The following KIR2DL3 variants were observed in gnomAD, a reference collection of about 807,000 sequenced individuals.
The protein encoded by KIR2DL3 is killer cell immunoglobulin like receptor, two Ig domains and long cytoplasmic tail 3.
KIR2DL3 carries 39 observed loss-of-function variants against 33.8 expected under a neutral mutation model. That is an observed-to-expected ratio of 1.15 (90% CI 0.89 to 1.51). The LOEUF (loss-of-function observed/expected upper bound fraction) is 1.51, where lower values mean the gene tolerates loss of function less well. Ranked by LOEUF, KIR2DL3 falls within the 40% of genes most tolerant of loss-of-function variation. The pLI is 0.00. For synonymous variants in KIR2DL3, 174 were observed against 160.2 expected (o/e 1.09, Z -0.65); for missense variants, 462 against 426.2 (o/e 1.08, Z -0.74).
At chr19:54,748,715 G>A (rs1211916177) in intron 5 of KIR2DL3, among the ~76,000 whole-genome samples, 12 of 143,074 alleles carry the variant, frequency 8.4e-5, no homozygotes, top group Non-Finnish European at 3.1e-5. Context: ...TGCGTCTCCT[G>A]GATTCAAGTG....
chr19:54,752,510 T>C lies in KIR2DL3; in HGVS notation c.1017T>C (p.Ala339=). ...DIIVYTELPN[A]EP ...TCGTGTACACGGAACTTCCAAATGC[T>C]GAGCCCTGATCCAAAGTTGTCTCCT... The change falls in exon 8 of 8, where the codon GCT becomes GCC. Residue 339 remains alanine (A), a synonymous_variant. Transcript: ENST00000342376. The C allele has an allele frequency of 6.8e-6, 10 of 1,463,970 alleles. 3 individuals carry two copies. Among genetic ancestry groups the C allele is most frequent in the Non-Finnish European group, 5.6e-6 (6 of 1,076,658 alleles). The allele number at this position is 1,463,970 out of a possible 1,614,324, so 90.7% of individuals were successfully genotyped here.
rs879091199 is a variant in KIR2DL3, at chr19:54,747,102, G to A, written c.665-233G>A. Among the ~76,000 whole-genome samples, 7 of 144,174 alleles carry A rather than the reference G, an allele frequency of 4.9e-5. 1 individual carries two copies. The Admixed American group carries it at 5.0e-4, about 10-fold the overall frequency. The allele number at this position is 144,174 out of a possible 152,430, so 94.6% of individuals were successfully genotyped here. A position where few individuals can be genotyped will look rare whatever the true frequency, so the allele number is the denominator to read the frequency against. ...ATGTGATGCTGTTTTGCTTACTACA[G>A]CTCTGTAACATATTTTGAGATCAGG... On this transcript the variant is annotated intron_variant, in intron 4 of 7. Transcript: ENST00000342376.
At chr19:54,747,911 C>G (rs944918087) in intron 5 of KIR2DL3, among the ~76,000 whole-genome samples, 6 of 148,054 alleles carry the variant, frequency 4.1e-5, no homozygotes, top group African/African-American at 1.5e-4. Context: ...CTGTGCAGTG[C>G]GGAACCTTTT....
intron 5 of KIR2DL3, among the ~76,000 whole-genome samples, chr19:54,750,081 T>C (rs1256793695): frequency 1.5e-5 from 2 of 132,630 alleles, no homozygotes; most frequent in African/African-American, 2.9e-5. Context: ...TGAGATCACA[T>C]AGAAAATGTG....
At chr19:54,744,615 C>T (rs1429238459) in intron 4 of KIR2DL3, among the ~76,000 whole-genome samples, 2 of 151,378 alleles carry the variant, frequency 1.3e-5, no homozygotes, top group African/African-American at 2.4e-5. Context: ...CAACTTCCGC[C>T]TCCTGGGTTC....
intron 4 of KIR2DL3, among the ~76,000 whole-genome samples, chr19:54,747,083 T>C (rs2072631849): frequency 7.0e-6 from 1 of 142,626 alleles, no homozygotes; most frequent in Non-Finnish European, 1.6e-5. Context: ...GCCAATGTGA[T>C]GCTGTTTTGC....
Position 54,739,497 on chromosome 19 carries a change from T to A in KIR2DL3, c.35-10T>A. The A allele has an allele frequency of 6.2e-7, 1 of 1,613,996 alleles. No individual in the cohort carries two copies. Among genetic ancestry groups the A allele is most frequent in the South Asian group, 1.1e-5 (1 of 91,076 alleles). Reference sequence around the variant, plus strand: ...GCAGATGGATGGTCCATCATGATCTTTCTTTCCAGGGTTCTTCTTGCTGCA... The same window carrying A: ...GCAGATGGATGGTCCATCATGATCTATCTTTCCAGGGTTCTTCTTGCTGCA... On this transcript the variant is annotated splice_polypyrimidine_tract_variant and intron_variant, in intron 1 of 7. Transcript: ENST00000342376.
chr19:54,747,886 G>C (rs1378722743), intron 5 of KIR2DL3, among the ~76,000 whole-genome samples: 1 of 147,238 alleles, frequency 6.8e-6, no homozygotes, highest in African/African-American at 2.5e-5. Flanking sequence ...ATTCAGCCAC[G>C]GCCCCATGCT....
At chr19:54,739,388 G>A (rs1297152406) in intron 1 of KIR2DL3, 119 bp from the exon 2 acceptor site, 38 of 1,551,820 alleles carry the variant, frequency 2.4e-5, no homozygotes, top group Non-Finnish European at 3.3e-5. Flanking sequence ...AGGCACTGAG[G>A]GTGAGTTTAA....
chr19:54,752,733 T>C lies in KIR2DL3; in HGVS notation c.*214T>C. On this transcript the variant is annotated 3_prime_UTR_variant, in exon 8 of 8. Transcript: ENST00000342376. ...GCTTACAAATGTCTAAGGTCCCCAC[T>C]GCCTGCTGGAGAGAAAACACACTCC... is the stretch of plus-strand genomic sequence containing the variant. 2.7e-6 allele frequency: 2 copies of C among 733,966 alleles called. No individual in the cohort carries two copies. Among genetic ancestry groups the C allele is most frequent in the Non-Finnish European group, 4.4e-6 (2 of 457,508 alleles). The allele number at this position is 733,966 out of a possible 1,614,324, so 45.5% of individuals were successfully genotyped here. A position where few individuals can be genotyped will look rare whatever the true frequency, so the allele number is the denominator to read the frequency against.
intron 3 of KIR2DL3, among the ~76,000 whole-genome samples, 200 bp downstream of exon 3, chr19:54,742,479 G>A (rs1404674826): frequency 6.6e-6 from 1 of 151,808 alleles, no homozygotes; most frequent in Non-Finnish European, 1.5e-5. Flanking sequence ...ACAGACACAG[G>A]GGCCATACAG....
At chr19:54,743,509 G>C (rs910451982) in intron 3 of KIR2DL3, among the ~76,000 whole-genome samples, 2 of 151,900 alleles carry the variant, frequency 1.3e-5, no homozygotes, top group Non-Finnish European at 1.5e-5. Flanking sequence ...GAGAAACTTA[G>C]AATTTAAAAA....
At chr19:54,752,180 C>T (rs372811832) in intron 6 of KIR2DL3, 36 bp from the exon 7 acceptor site, 3 of 1,458,198 alleles carry the variant, frequency 2.1e-6, no homozygotes, top group Non-Finnish European at 2.8e-6. Context: ...CCAGAAGTGC[C>T]CTCTGAGCTG....
intron 4 of KIR2DL3, among the ~76,000 whole-genome samples, chr19:54,747,034 T>C (rs536990840): frequency 7.1e-6 from 1 of 141,508 alleles, no homozygotes; most frequent in African/African-American, 2.6e-5. Context: ...ATATCTGTGT[T>C]CTTCATTCTG....
intron 1 of KIR2DL3, 26 bp downstream of exon 1, chr19:54,738,605 A>G: frequency 6.2e-7 from 1 of 1,613,962 alleles, no homozygotes; most frequent in Non-Finnish European, 8.5e-7. Context: ...GCATCGAGGG[A>G]GGGAGTGCGG....
intron 5 of KIR2DL3, 57 bp downstream of exon 5, chr19:54,747,442 C>T (rs1191284609): frequency 4.9e-5 from 71 of 1,462,058 alleles, no homozygotes; most frequent in African/African-American, 9.0e-5. Flanking sequence ...TAGAAACCTT[C>T]GATGCAGGCA....
In KIR2DL3 at chr19:54,746,257, T is replaced by C. The variant is rs999098629; in HGVS notation, c.665-1078T>C. ...TTTTTCAATTAAATCGTTTGTTTTA[T>C]TGAGTTGTTTGAGCTTCTTATATTT... is the stretch of plus-strand genomic sequence containing the variant. On this transcript the variant is annotated intron_variant, in intron 4 of 7. Transcript: ENST00000342376. 6.0e-5 allele frequency among the ~76,000 whole-genome samples: 8 copies of C among 133,508 alleles called. 1 individual carries two copies. The highest frequency in any genetic ancestry group is 1.3e-4 in the Non-Finnish European group (8 of 60,842). 87.6% of individuals were successfully genotyped at this position (133,508 alleles called of 152,430 possible).
At chr19:54,747,251 G>T in intron 4 of KIR2DL3, 84 bp from the exon 5 acceptor site, 29 of 1,547,732 alleles carry the variant, frequency 1.9e-5, no homozygotes, top group Non-Finnish European at 2.5e-5. Context: ...ACAGAGTGTT[G>T]GCCATGAACC....
intron 2 of KIR2DL3, among the ~76,000 whole-genome samples, chr19:54,740,159 G>A (rs1259740814): frequency 6.6e-6 from 1 of 152,050 alleles, no homozygotes; most frequent in Non-Finnish European, 1.5e-5. Context: ...TGGGCACCAA[G>A]GTGTGATAGT....
Sources: allele counts gnomAD v4.1 joint callset (sites outside exome capture counted in the v4.1 genomes callset), GRCh38; gene constraint gnomAD v4.1.1; transcripts MANE v1.5; gene names NCBI Gene and HGNC (gene_info 2026-07-23, HGNC 2026-07-21).